MAML3: variants seen among roughly 807,000 people sequenced by gnomAD.
MAML3 encodes the protein mastermind-like protein 3.
In MAML3, 27 loss-of-function variants were observed where a neutral mutation model predicts 101.9. That is an observed-to-expected ratio of 0.27 (90% confidence interval 0.20 to 0.37). MAML3 has a LOEUF of 0.37. Ranked by LOEUF, MAML3 falls within the 10% of genes least tolerant of loss-of-function variation. The pLI is 1.00. For synonymous variants in MAML3, 501 were observed against 555.9 expected (o/e 0.90, Z 1.39); for missense variants, 1,316 against 1,444.9 (o/e 0.91, Z 1.45).
At chr4:139,904,895 A>T (rs188650016) in intron 1 of MAML3, among the ~76,000 whole-genome samples, 2 of 152,358 alleles carry the variant, frequency 1.3e-5, no homozygotes, top group East Asian at 3.9e-4. Flanking sequence ...GTATCTAACC[A>T]TATCTAAACA....
At chr4:140,141,299 A>G (rs1462060927) in intron 1 of MAML3, among the ~76,000 whole-genome samples, 2 of 152,202 alleles carry the variant, frequency 1.3e-5, no homozygotes, top group African/African-American at 4.8e-5. Context: ...AACAAATGCT[A>G]TAAGGTGCCT....
At chr4:139,995,737 T>A (rs1212719636) in intron 1 of MAML3, among the ~76,000 whole-genome samples, 1 of 152,108 alleles carries the variant, frequency 6.6e-6, no homozygotes, top group Non-Finnish European at 1.5e-5. Context: ...TTTTGGTCAG[T>A]CTAGCTACAA....
intron 2 of MAML3, among the ~76,000 whole-genome samples, chr4:139,854,245 T>C (rs1297325463): frequency 1.3e-5 from 2 of 152,040 alleles, no homozygotes; most frequent in Admixed American, 1.3e-4. Flanking sequence ...GTGCCTGGCA[T>C]GTAGAAGTGT....
In MAML3 at chr4:139,861,478, TGTG is replaced by T. The variant is rs940452549; in HGVS notation, c.2079+27876_2079+27878del. Among the ~76,000 whole-genome samples, 18 of 5,206 alleles carry T rather than the reference TGTG, an allele frequency of 3.5e-3. No individual in the cohort carries two copies. In the African/African-American group the frequency reaches 0.063, roughly 18 times the overall value. 3.4% of individuals were successfully genotyped at this position (5,206 alleles called of 152,430 possible). On this transcript the variant is annotated intron_variant, in intron 2 of 4. Coordinates refer to ENST00000509479, the MANE Select transcript of MAML3 (RefSeq NM_018717.5). ...GATGTATGAATGTCTAACCAGCCGA[TGTG>T]TGTGTGTGTGTGTGTGTGTGTGTGT...
intron 2 of MAML3, among the ~76,000 whole-genome samples, chr4:139,829,367 T>C (rs1343807462): frequency 6.6e-6 from 1 of 152,176 alleles, no homozygotes; most frequent in Non-Finnish European, 1.5e-5. Context: ...TCAGATCAAG[T>C]GTGGCCAAAG....
intron 1 of MAML3, among the ~76,000 whole-genome samples, chr4:139,936,560 G>A (rs1396358276): frequency 6.6e-6 from 1 of 151,714 alleles, no homozygotes; most frequent in African/African-American, 2.4e-5. Context: ...TCTTTTTTGT[G>A]TGTGCACACA....
chr4:139,921,396 C>T (rs1032045963), intron 1 of MAML3, among the ~76,000 whole-genome samples: 4 of 152,142 alleles, frequency 2.6e-5, no homozygotes, highest in African/African-American at 9.7e-5. Flanking sequence ...ACTATCGCTC[C>T]TGTGGGGTTT....
intron 1 of MAML3, among the ~76,000 whole-genome samples, chr4:140,045,491 C>CT (rs1237764160): frequency 2.0e-5 from 3 of 150,908 alleles, no homozygotes; most frequent in Non-Finnish European, 3.0e-5. Flanking sequence ...TGTATTGGGA[C>CT]TTTTTTTCAA....
intron 1 of MAML3, among the ~76,000 whole-genome samples, chr4:139,965,657 C>A (rs1734116410): frequency 6.6e-6 from 1 of 152,188 alleles, no homozygotes. Flanking sequence ...TCTAACACAT[C>A]ATTTCTTCAT....
chr4:140,124,193 A>T (rs1360654214), intron 1 of MAML3, among the ~76,000 whole-genome samples: 1 of 152,164 alleles, frequency 6.6e-6, no homozygotes, highest in South Asian at 2.1e-4. Context: ...AGTTTCCTTG[A>T]GGCTTCTTGA....
rs573760377 is a variant in MAML3, at chr4:139,979,974, C to T, written c.469-89007G>A. Among the ~76,000 whole-genome samples the T allele has an allele frequency of 1.3e-4, 20 of 152,276 alleles. No homozygotes were observed. The South Asian group carries it at 3.3e-3, about 25-fold the overall frequency. On this transcript the variant is annotated intron_variant, in intron 1 of 4. Transcript: ENST00000509479. ...GTCCCACCCAGGGTCTAGGTGAGTA[C>T]GGACAGTCTCAGGGCTTGACTGAGC...
chr4:139,993,348 T>C (rs1734716674), intron 1 of MAML3, among the ~76,000 whole-genome samples: 2 of 27,252 alleles, frequency 7.3e-5, no homozygotes, highest in Admixed American at 1.4e-3. Flanking sequence ...TGAGACTCCA[T>C]CTCAAAAAAA....
chr4:140,038,034 G>C (rs1028573759), intron 1 of MAML3, among the ~76,000 whole-genome samples: 1 of 152,176 alleles, frequency 6.6e-6, no homozygotes, highest in Non-Finnish European at 1.5e-5. Flanking sequence ...TTCTGCAGAG[G>C]GCACCTTAGC....
chr4:139,929,559 T>TAA (rs1249341118), intron 1 of MAML3, among the ~76,000 whole-genome samples: 6 of 152,194 alleles, frequency 3.9e-5, no homozygotes, highest in African/African-American at 1.4e-4. Flanking sequence ...AGATGCAGTT[T>TAA]ATTGCAGGGA....
intron 1 of MAML3, among the ~76,000 whole-genome samples, chr4:140,055,418 G>A (rs1727335079): frequency 6.6e-6 from 1 of 152,128 alleles, no homozygotes; most frequent in African/African-American, 2.4e-5. Flanking sequence ...CCCTGGGGAT[G>A]GTTTGCTTAT....
At chr4:139,863,217 T>C (rs376223794) in intron 2 of MAML3, among the ~76,000 whole-genome samples, 2 of 151,908 alleles carry the variant, frequency 1.3e-5, no homozygotes, top group Non-Finnish European at 2.9e-5. Context: ...GGAGTTGATA[T>C]ATGTGAAATG....
chr4:139,723,299 G>T (rs774845781), intron 4 of MAML3, among the ~76,000 whole-genome samples: 1 of 152,088 alleles, frequency 6.6e-6, no homozygotes, highest in South Asian at 2.1e-4. Flanking sequence ...TTTAATTTTT[G>T]TCTCTGGTTT....
intron 1 of MAML3, among the ~76,000 whole-genome samples, chr4:140,015,301 A>C (rs1190230403): frequency 6.6e-6 from 1 of 152,202 alleles, no homozygotes. Flanking sequence ...TGAAACATCA[A>C]TAAAAAGGAT....
intron 2 of MAML3, among the ~76,000 whole-genome samples, chr4:139,884,131 G>A (rs1189326224): frequency 1.3e-5 from 2 of 152,100 alleles, no homozygotes; most frequent in East Asian, 1.9e-4. Flanking sequence ...TGATCCACCC[G>A]ACTCGGCCTC....
Sources: gnomAD v4.1 joint callset for allele counts (sites outside exome capture counted in the v4.1 genomes callset) on GRCh38, gnomAD v4.1.1 for gene constraint, MANE v1.5 for transcripts, NCBI Gene and HGNC (gene_info 2026-07-23, HGNC 2026-07-21) for gene names.